Variants in SLC8A1 observed in about 807,000 individuals in gnomAD.
SLC8A1 encodes the protein sodium/calcium exchanger 1.
Under a neutral mutation model 68.3 loss-of-function variants are expected in SLC8A1, and 18 were observed. That is an observed-to-expected ratio of 0.26 (90% CI 0.18 to 0.39). The LOEUF (loss-of-function observed/expected upper bound fraction) is 0.39, where lower values mean the gene tolerates loss of function less well. SLC8A1 is among the 10% of genes least tolerant of loss of function. The pLI, the probability that SLC8A1 is intolerant of heterozygous loss-of-function variation, is 1.00. For missense variants in SLC8A1, 985 were observed against 1,156.7 expected (o/e 0.85, Z 2.15); for synonymous variants, 475 against 415.5 (o/e 1.14, Z -1.74).
intron 2 of SLC8A1, among the ~76,000 whole-genome samples, chr2:40,395,413 G>A (rs1686606581): frequency 6.6e-6 from 1 of 152,048 alleles, no homozygotes; most frequent in African/African-American, 2.4e-5. Context: ...AATGGTCTGT[G>A]CTCACCTGGA....
intron 2 of SLC8A1, among the ~76,000 whole-genome samples, chr2:40,357,340 T>C (rs998597506): frequency 6.6e-6 from 1 of 151,488 alleles, no homozygotes; most frequent in Non-Finnish European, 1.5e-5. Context: ...AAACATTTTT[T>C]TTTTTAATTA....
chr2:40,223,329 A>G (rs1328922182), intron 2 of SLC8A1, among the ~76,000 whole-genome samples: 2 of 152,138 alleles, frequency 1.3e-5, no homozygotes, highest in Non-Finnish European at 2.9e-5. Flanking sequence ...GAACACATGG[A>G]CACAGGGAGG....
At chr2:40,323,409 G>C (rs984037362) in intron 2 of SLC8A1, among the ~76,000 whole-genome samples, 2 of 151,984 alleles carry the variant, frequency 1.3e-5, no homozygotes, top group Non-Finnish European at 2.9e-5. Context: ...TTCTTCACCT[G>C]GTTTTTAAAA....
At chr2:40,245,147 A>G (rs1351186262) in intron 2 of SLC8A1, among the ~76,000 whole-genome samples, 2 of 132,614 alleles carry the variant, frequency 1.5e-5, no homozygotes, top group African/African-American at 3.0e-5. Context: ...AGTATAAATT[A>G]GGAATCATTC....
At chr2:40,428,901 A>G (rs1431578377) in exon 2 of SLC8A1, 1 of 1,613,838 alleles carries the variant, frequency 6.2e-7, no homozygotes, top group East Asian at 2.2e-5. Context: ...CAGTTCCTTC[A>G]GTAAATTCAT....
At chr2:40,409,923 T>G (rs1691570081) in intron 2 of SLC8A1, among the ~76,000 whole-genome samples, 1 of 151,924 alleles carries the variant, frequency 6.6e-6, no homozygotes, top group African/African-American at 2.4e-5. Context: ...CTGGCATCCC[T>G]GCCCCAACAA....
rs142337622 is a variant in SLC8A1, at chr2:40,166,189, C to G, written c.1931-1205G>C. On this transcript the variant is annotated intron_variant, in intron 4 of 7. Transcript: ENST00000406785. ...ACCTCCAAAGACCCATGGCCTCCCC[C>G]CTGCTGAGGGACCACGCTATGGTGG... Among the ~76,000 whole-genome samples the G allele has an allele frequency of 4.1e-3, 621 of 152,252 alleles. 13 individuals are homozygous for G. The East Asian group carries it at 0.06, about 15-fold the overall frequency.
chr2:40,400,521 TG>T (rs1318834294), intron 2 of SLC8A1, among the ~76,000 whole-genome samples: 2 of 152,238 alleles, frequency 1.3e-5, no homozygotes, highest in East Asian at 1.9e-4. Context: ...TCTAATCTTT[TG>T]TTTTCTCTTG....
At chr2:40,344,302 T>C (rs1181087736) in intron 2 of SLC8A1, among the ~76,000 whole-genome samples, 1 of 152,176 alleles carries the variant, frequency 6.6e-6, no homozygotes, top group Non-Finnish European at 1.5e-5. Context: ...TGGGATTTTT[T>C]TGCATGATTC....
chr2:40,485,477 T>A (rs1263946465), intron 1 of SLC8A1, among the ~76,000 whole-genome samples: 1 of 152,206 alleles, frequency 6.6e-6, no homozygotes, highest in Admixed American at 6.5e-5. Flanking sequence ...TCCCTATGTC[T>A]CTTGCTTGCT....
chr2:40,287,617 T>TGCGC (rs2068550079), intron 2 of SLC8A1, among the ~76,000 whole-genome samples: 1 of 149,176 alleles, frequency 6.7e-6, no homozygotes, highest in African/African-American at 2.5e-5. Context: ...TGTGTGTGTG[T>TGCGC]GTGCATGCAG....
intron 4 of SLC8A1, 122 bp from the exon 7 acceptor site, chr2:40,170,471 T>C (rs2047279994): frequency 1.2e-6 from 1 of 809,800 alleles, no homozygotes; most frequent in Admixed American, 2.1e-5. Context: ...AACGTTAGTT[T>C]GGGGATTCAA....
chr2:40,116,028 C>A (rs916685421), intron 7 of SLC8A1, among the ~76,000 whole-genome samples: 1 of 152,142 alleles, frequency 6.6e-6, no homozygotes, highest in Admixed American at 6.5e-5. Flanking sequence ...ATAATGACAG[C>A]GGCCCAGGAA....
rs561174698 is a variant in SLC8A1 at position 40,139,001 on chromosome 2, T to A, written c.2437+400A>T. Among the ~76,000 whole-genome samples the A allele has an allele frequency of 2.4e-4, 36 of 152,300 alleles. 1 individual carries two copies. In the South Asian group the frequency reaches 7.5e-3, roughly 32 times the overall value. On this transcript the variant is annotated intron_variant, in intron 7 of 7. Coordinates refer to ENST00000406785, the Ensembl canonical transcript of SLC8A1. Reference sequence around the variant, plus strand: ...TTCCTAGTTACCTAAATGAATACAGTTTCATAGAGATCATTAAAATGTACC... The same window carrying A: ...TTCCTAGTTACCTAAATGAATACAGATTCATAGAGATCATTAAAATGTACC...
At chr2:40,242,822 AT>A (rs2061390981) in intron 2 of SLC8A1, among the ~76,000 whole-genome samples, 1 of 152,182 alleles carries the variant, frequency 6.6e-6, no homozygotes, top group Non-Finnish European at 1.5e-5. Context: ...AAGAGACTAA[AT>A]TTTTGTCTCT....
intron 1 of SLC8A1, among the ~76,000 whole-genome samples, chr2:40,509,369 C>A (rs971547428): frequency 1.3e-5 from 2 of 148,306 alleles, no homozygotes; most frequent in Admixed American, 1.3e-4. Flanking sequence ...TTCTTAAAAT[C>A]TTTACTATTC....
chr2:40,425,558 A>C (rs1461138211), intron 2 of SLC8A1, among the ~76,000 whole-genome samples: 2 of 151,890 alleles, frequency 1.3e-5, no homozygotes, highest in African/African-American at 4.8e-5. Flanking sequence ...CACAACATTA[A>C]ACAAACATTT....
At chr2:40,498,325 A>G (rs2149933058) in intron 1 of SLC8A1, among the ~76,000 whole-genome samples, 1 of 152,244 alleles carries the variant, frequency 6.6e-6, no homozygotes, top group East Asian at 1.9e-4. Context: ...ATTTGTTCAG[A>G]CATTTTGCAA....
At chr2:40,394,916 G>C (rs555346322) in intron 2 of SLC8A1, among the ~76,000 whole-genome samples, 1 of 152,176 alleles carries the variant, frequency 6.6e-6, no homozygotes, top group African/African-American at 2.4e-5. Context: ...ATCCCAGAGA[G>C]GAAATGAGAC....
Sources: gnomAD v4.1 joint callset for allele counts (sites outside exome capture counted in the v4.1 genomes callset) on GRCh38, gnomAD v4.1.1 for gene constraint, MANE v1.5 for transcripts, NCBI Gene and HGNC (gene_info 2026-07-23, HGNC 2026-07-21) for gene names.